MAP3K13: variants seen among roughly 807,000 people sequenced by gnomAD.
MAP3K13 encodes the protein mitogen-activated protein kinase kinase kinase 13, also known as leucine zipper-bearing kinase.
In MAP3K13, 52 loss-of-function variants were observed where a neutral mutation model predicts 104.0. The ratio of observed to expected loss-of-function variants is 0.50; its 90% CI spans 0.40 to 0.63. MAP3K13 has a LOEUF of 0.63. Ranked by LOEUF, MAP3K13 falls within the 20% of genes least tolerant of loss-of-function variation. The pLI is 0.00. For missense variants in MAP3K13, 914 were observed against 1,218.5 expected, an observed-to-expected ratio of 0.75 and a Z score of 3.72; for synonymous variants, 394 against 442.2, an observed-to-expected ratio of 0.89 and a Z score of 1.37.
chr3:185,435,608 A>G (rs1001606420), intron 2 of MAP3K13, among the ~76,000 whole-genome samples: 9 of 152,206 alleles, frequency 5.9e-5, no homozygotes, highest in African/African-American at 2.2e-4. Context: ...CATTTATTCA[A>G]TTTCAGTAGA....
At chr3:185,331,213 C>A (rs1722262597) in intron 2 of MAP3K13, among the ~76,000 whole-genome samples, 1 of 150,238 alleles carries the variant, frequency 6.7e-6, no homozygotes, top group African/African-American at 2.4e-5. Context: ...CCTGCCTCAG[C>A]CTCCCCAGTA....
In MAP3K13 at chr3:185,297,578, T is replaced by C. The variant is rs549878171; in HGVS notation, c.-86+11935T>C. 2.1e-3 allele frequency among the ~76,000 whole-genome samples: 315 copies of C among 152,014 alleles called. 1 individual carries two copies. The highest frequency in any genetic ancestry group is 3.4e-3 in the Non-Finnish European group (231 of 67,958). ...GGTGAAACCCTGTCTCTACTAATAA[T>C]ACAAAAATCAGCCAGGTGTGGTGGC... On this transcript the variant is annotated intron_variant, in intron 2 of 14. Coordinates refer to the MAP3K13 transcript ENST00000424227.
chr3:185,304,643 C>CT (rs930226038), intron 2 of MAP3K13, among the ~76,000 whole-genome samples: 1 of 151,554 alleles, frequency 6.6e-6, no homozygotes, highest in Non-Finnish European at 1.5e-5. Flanking sequence ...CTTATGTTCT[C>CT]TTTTTTTTGA....
intron 1 of MAP3K13, among the ~76,000 whole-genome samples, chr3:185,397,209 T>A (rs1442249525): frequency 6.6e-6 from 1 of 152,260 alleles, no homozygotes; most frequent in African/African-American, 2.4e-5. Context: ...GGAGAGCTAA[T>A]CAATTGTGAG....
chr3:185,328,121 G>T (rs1270778434), intron 2 of MAP3K13, among the ~76,000 whole-genome samples: 1 of 152,142 alleles, frequency 6.6e-6, no homozygotes, highest in African/African-American at 2.4e-5. Flanking sequence ...TAGAATTTGG[G>T]ATCCATGTTC....
At chr3:185,369,610 A>G (rs1724057346) in intron 1 of MAP3K13, among the ~76,000 whole-genome samples, 1 of 152,196 alleles carries the variant, frequency 6.6e-6, no homozygotes, top group African/African-American at 2.4e-5. Context: ...GGCATAGTTA[A>G]TGGGTGGGAT....
intron 8 of MAP3K13, among the ~76,000 whole-genome samples, chr3:185,465,329 TG>T (rs567236066): frequency 1.2e-3 from 177 of 152,226 alleles, no homozygotes; most frequent in South Asian, 2.1e-3. Flanking sequence ...CATATAAATC[TG>T]GGGGGCACAA....
At chr3:185,434,200 CAA>C (rs1157269119) in intron 2 of MAP3K13, among the ~76,000 whole-genome samples, 3 of 151,924 alleles carry the variant, frequency 2.0e-5, no homozygotes, top group Non-Finnish European at 4.4e-5. Context: ...TCATTTGTAT[CAA>C]AGAAATATAG....
At chr3:185,469,167 AG>A (rs1278901336) in intron 10 of MAP3K13, among the ~76,000 whole-genome samples, 3 of 152,220 alleles carry the variant, frequency 2.0e-5, no homozygotes, top group Non-Finnish European at 4.4e-5. Flanking sequence ...GAAATTAGAG[AG>A]GAGAAACCAT....
intron 1 of MAP3K13, among the ~76,000 whole-genome samples, chr3:185,401,002 T>A (rs1712779320): frequency 6.6e-6 from 1 of 151,782 alleles, no homozygotes; most frequent in South Asian, 2.1e-4. Flanking sequence ...CTTACCTTGC[T>A]GCAAGAGGCA....
chr3:185,332,527 C>T (rs552079527), intron 2 of MAP3K13, among the ~76,000 whole-genome samples: 108 of 152,148 alleles, frequency 7.1e-4, no homozygotes, highest in Admixed American at 1.9e-3. Context: ...AAATTCTATA[C>T]TCATTAAATA....
chr3:185,481,342 A>G (rs747473873), intron 13 of MAP3K13: 1 of 152,272 alleles, frequency 6.6e-6, no homozygotes, highest in Non-Finnish European at 1.5e-5. Context: ...AAATTTAATT[A>G]GCTGAGTTTG....
Position 185,351,691 on chromosome 3 carries a change from G to A in MAP3K13, c.-86+66048G>A, listed in dbSNP as rs532172626. 3.3e-5 allele frequency among the ~76,000 whole-genome samples: 5 copies of A among 152,284 alleles called. 1 individual carries two copies. The South Asian group carries it at 1.0e-3, about 32-fold the overall frequency. On this transcript the variant is annotated intron_variant, in intron 2 of 14. Coordinates refer to the MAP3K13 transcript ENST00000424227. ...GAGTAACTAATTCTCAGAATGTCTA[G>A]AGCAATCATTTACTTATCTCATTTA...
chr3:185,332,968 C>T (rs957081215), intron 2 of MAP3K13, among the ~76,000 whole-genome samples: 10 of 152,162 alleles, frequency 6.6e-5, no homozygotes, highest in Admixed American at 2.0e-4. Flanking sequence ...AACCACCATA[C>T]GTTTTCCATA....
chr3:185,329,270 G>A (rs766657849), intron 2 of MAP3K13: 10 of 702,882 alleles, frequency 1.4e-5, no homozygotes, highest in Middle Eastern at 2.3e-4. Context: ...ACCTAGTGCC[G>A]AGAGATTGTT....
At chr3:185,456,069 T>C (rs2148908572) in intron 7 of MAP3K13, among the ~76,000 whole-genome samples, 1 of 150,866 alleles carries the variant, frequency 6.6e-6, no homozygotes. Context: ...GGAGTACTTC[T>C]GTGGTGTCTG....
rs558358781 is a variant in MAP3K13, at chr3:185,323,279, G to A, written c.-86+37636G>A. Among the ~76,000 whole-genome samples the A allele has an allele frequency of 1.4e-4, 21 of 149,810 alleles. 2 individuals are homozygous for A. The South Asian group carries it at 4.4e-3, about 32-fold the overall frequency. ...GGTTTTCACCAGTTTTTCCATGACTGTAGTTTTTCTATTCCAGGATCTAAT... is the reference window on the plus strand; with the variant it reads ...GGTTTTCACCAGTTTTTCCATGACTATAGTTTTTCTATTCCAGGATCTAAT... On this transcript the variant is annotated intron_variant, in intron 2 of 14. Transcript: ENST00000424227.
intron 1 of MAP3K13, among the ~76,000 whole-genome samples, chr3:185,411,781 C>CTTTTTTTTTTTTTTTTTTTTTTTTTTTTT (rs67723912): frequency 1.1e-5 from 1 of 94,058 alleles, no homozygotes; most frequent in African/African-American, 4.1e-5. Context: ...GCAGTTATGT[C>CTTTTTTTTTTTTTTTTTTTTTTTTTTTTT]TTTTTTTTTT....
rs1560133374 is a variant in MAP3K13 at position 185,473,569 on chromosome 3, C to T, written c.2238C>T (p.Pro746=). ...AACAGTATGGGTCCTTAGACATACC[C>T]TCTGCTGAGCCAGTGGGGAGGAGCC... is the stretch of plus-strand genomic sequence containing the variant. ...RPEQYGSLDI[P]SAEPVGRSPD... Residue 746 remains proline (P), a synonymous_variant, in exon 11 of 14, where the codon CCC becomes CCT. Transcript: ENST00000265026. The surrounding 1 kb of genome is among the most constrained non-coding windows in gnomAD (Gnocchi z 4.9). 6.2e-7 allele frequency: 1 copy of T among 1,614,198 alleles called. No homozygotes were observed. The highest frequency in any genetic ancestry group is 1.3e-5 in the African/African-American group (1 of 75,052).
Sources: gnomAD v4.1 joint callset for allele counts (sites outside exome capture counted in the v4.1 genomes callset) on GRCh38, gnomAD v4.1.1 for gene constraint, Gnocchi (gnomAD v3.1) non-coding constraint, MANE v1.5 for transcripts, NCBI Gene and HGNC (gene_info 2026-07-23, HGNC 2026-07-21) for gene names.